The following ZNF268 variants were observed in gnomAD, a reference collection of about 807,000 sequenced individuals.
ZNF268 encodes zinc finger protein 268.
A neutral mutation model predicts 29.3 loss-of-function variants in ZNF268; 20 were observed. The ratio of observed to expected loss-of-function variants is 0.68; its 90% CI spans 0.48 to 0.99. The LOEUF is 0.99. Ranked by LOEUF, ZNF268 falls within the 50% of genes least tolerant of loss-of-function variation. The pLI, the probability that ZNF268 is intolerant of heterozygous loss-of-function variation, is 0.00. For synonymous variants in ZNF268, 429 were observed against 376.9 expected, an observed-to-expected ratio of 1.14 and a Z score of -1.60; for missense variants, 1,240 against 1,121.6, an observed-to-expected ratio of 1.11 and a Z score of -1.51.
chr12:133,203,406 C>T lies in ZNF268; in HGVS notation c.1720C>T (p.His574Tyr), dbSNP rs756823797. ...CAGTCGGAAATACCAGCTTATTTCA[C>T]ACCAGAGAACTCATGCAGGAGAGAA... ...AFSRKYQLIS[H>Y]QRTHAGEKPY... The change falls in exon 6 of 6, where the codon CAC (histidine) becomes TAC (tyrosine). Residue 574 changes from histidine (H) to tyrosine (Y), a missense_variant. His to Tyr is a moderately conservative substitution (Grantham distance 83, BLOSUM62 2). Around this residue, in one of 3 missense-constraint regions of ZNF268, gnomAD observed 1,177 missense variants for 1,039.6 expected, o/e 1.13. Coordinates refer to ENST00000536435, the MANE Select transcript of ZNF268 (RefSeq NM_003415.3). The T allele has an allele frequency of 3.8e-5, 59 of 1,545,266 alleles. No homozygotes were observed. The highest frequency in any genetic ancestry group is 5.1e-5 in the Non-Finnish European group (59 of 1,149,904).
At position 133,203,919 on chromosome 12, in the gene ZNF268, A is replaced by G; in HGVS notation, c.2233A>G (p.Ile745Val). The G allele has an allele frequency of 1.3e-6, 2 of 1,588,896 alleles. No homozygotes were observed. Among genetic ancestry groups the G allele is most frequent in the African/African-American group, 1.3e-5 (1 of 74,248 alleles). Residue 745 changes from isoleucine (I) to valine (V), a missense_variant, in exon 6 of 6, where the codon ATT (isoleucine) becomes GTT (valine). By Grantham distance (29) the Ile-to-Val change is conservative (BLOSUM62 3). Around this residue, in one of 3 missense-constraint regions of ZNF268, gnomAD observed 1,177 missense variants for 1,039.6 expected, o/e 1.13. Transcript: ENST00000536435. ...FNSQLIVHQRIHTGENPYECS... is the reference protein window; with the variant it reads ...FNSQLIVHQRVHTGENPYECS... ...TTCACAACTCATTGTGCATCAGAGA[A>G]TTCACACAGGAGAAAATCCCTATGA...
Position 133,204,174 on chromosome 12 carries a change from CATGCAGGGGTCAACCCTTATAA to C in ZNF268, c.2495_2516del (p.Gly832ValfsTer105). 6.5e-7 allele frequency: 1 copy of C among 1,541,444 alleles called. No homozygotes were observed. On this transcript the variant is annotated frameshift_variant, in exon 6 of 6. Transcript: ENST00000536435. LOFTEE classifies it low-confidence loss of function (END_TRUNC). Reference sequence around the variant, plus strand: ...ACTACTCATTGTACATGAGCGAACTCATGCAGGGGTCAACCCTTATAAATGCAGTCAATGTGAGAAATCCTTC... The same window carrying C: ...ACTACTCATTGTACATGAGCGAACTCATGCAGTCAATGTGAGAAATCCTTC...
At position 133,210,538 on chromosome 12, in the gene ZNF268, T is replaced by A. The variant is rs1956962631; in HGVS notation, c.*6008T>A. ...TCACTGTGGTTGTGCCCCACAGTGG[T>A]CCTCAGGTTGGCCAGTGGAGAAGGA... On this transcript the variant is annotated 3_prime_UTR_variant, in exon 6 of 6. Transcript: ENST00000536435. The A allele has an allele frequency of 3.6e-6, 1 of 281,648 alleles. No individual in the cohort carries two copies. The highest frequency in any genetic ancestry group is 2.2e-5 in the African/African-American group (1 of 45,768). The allele number at this position is 281,648 out of a possible 1,614,324, so 17.4% of individuals were successfully genotyped here.
intron 5 of ZNF268, among the ~76,000 whole-genome samples, chr12:133,201,884 C>A (rs183666617): frequency 8.5e-4 from 130 of 152,168 alleles, no homozygotes; most frequent in African/African-American, 3.0e-3. Context: ...TATCAGTTTA[C>A]TATGCCTATC....
chr12:133,195,472 A>G (rs529444099), intron 5 of ZNF268, among the ~76,000 whole-genome samples: 2 of 152,226 alleles, frequency 1.3e-5, no homozygotes, highest in Non-Finnish European at 2.9e-5. Context: ...TGGGAGGCCA[A>G]GGTGGGAGGA....
chr12:133,202,450 GA>G lies in ZNF268; in HGVS notation c.769del (p.Thr257ProfsTer36). The G allele has an allele frequency of 6.2e-7, 1 of 1,611,380 alleles. No homozygotes were observed. The highest frequency in any genetic ancestry group is 1.1e-5 in the South Asian group (1 of 90,804). ...AAATACTGTGAAAGTATTGAATCTG[GA>G]AAAACCGTCAATAAGAAATCGCAAC... ...GIKYCESIES[G>X]KTVNKKSQLM... is the part of the protein sequence containing the mutation. On this transcript the variant is annotated frameshift_variant, in exon 6 of 6. Transcript: ENST00000536435. LOFTEE classifies it low-confidence loss of function (END_TRUNC).
At chr12:133,198,392 A>G (rs1190945891) in intron 5 of ZNF268, among the ~76,000 whole-genome samples, 7 of 150,540 alleles carry the variant, frequency 4.6e-5, no homozygotes, top group African/African-American at 1.5e-4. Context: ...CCATTGATCT[A>G]TATCTCTGTT....
At chr12:133,183,500 A>T (rs1364123276) in intron 2 of ZNF268, among the ~76,000 whole-genome samples, 2 of 143,298 alleles carry the variant, frequency 1.4e-5, no homozygotes, top group Non-Finnish European at 3.1e-5. Context: ...ACTCTGTCTC[A>T]AAAAAAAAAA....
In ZNF268 at chr12:133,203,797, C is replaced by T; in HGVS notation, c.2111C>T (p.Ala704Val). ...TATGGATGCAGTGAGTGTGGGAAAG[C>T]CTTCAGGAGCAAGTCATACCTTATT... Reference protein sequence around the residue: ...KPYGCSECGKAFRSKSYLIIH... With the variant: ...KPYGCSECGKVFRSKSYLIIH... Residue 704 changes from alanine (A) to valine (V), a missense_variant, in exon 6 of 6, where the codon GCC (alanine) becomes GTC (valine). Physicochemically the swap from Ala to Val is moderately conservative, Grantham distance 64. Transcript: ENST00000536435. 1 of 1,564,132 alleles carries T rather than the reference C, an allele frequency of 6.4e-7. No individual in the cohort carries two copies. Among genetic ancestry groups the T allele is most frequent in the African/African-American group, 1.4e-5 (1 of 73,832 alleles).
intron 4 of ZNF268, 37 bp downstream of exon 4, chr12:133,191,652 C>A: frequency 1.2e-6 from 2 of 1,606,280 alleles, no homozygotes; most frequent in Non-Finnish European, 1.7e-6. Flanking sequence ...TGTGCTCGAT[C>A]TCCAGGCTTC....
rs1593920887 is a variant in ZNF268, at chr12:133,202,023, C to G, written c.458-121C>G. ...GATATGGCATTTCACAGGGAACTTT[C>G]TAGTATACCACAATCATGTGATTTA... On this transcript the variant is annotated intron_variant, in intron 5 of 5. Coordinates refer to ENST00000536435, the MANE Select transcript of ZNF268 (RefSeq NM_003415.3). 10 of 776,542 alleles carry G rather than the reference C, an allele frequency of 1.3e-5. No individual in the cohort carries two copies. The East Asian group carries it at 2.8e-4, about 22-fold the overall frequency. 48.1% of individuals were successfully genotyped at this position (776,542 alleles called of 1,614,324 possible). A position where few individuals can be genotyped will look rare whatever the true frequency, so the allele number is the denominator to read the frequency against.
rs1956939437 is a variant in ZNF268, at chr12:133,208,626, T to C, written c.*4096T>C. 6.6e-6 allele frequency: 1 copy of C among 151,874 alleles called. No homozygotes were observed. Among genetic ancestry groups the C allele is most frequent in the Non-Finnish European group, 1.5e-5 (1 of 67,970 alleles). The allele number at this position is 151,874 out of a possible 1,614,324, so 9.4% of individuals were successfully genotyped here. A position where few individuals can be genotyped will look rare whatever the true frequency, so the allele number is the denominator to read the frequency against. Reference sequence around the variant, plus strand: ...GCTATGATCATGCCCCTGCACTCCATCCTGGGCAACAAAGTGAGACCCTGT... The same window carrying C: ...GCTATGATCATGCCCCTGCACTCCACCCTGGGCAACAAAGTGAGACCCTGT... On this transcript the variant is annotated 3_prime_UTR_variant, in exon 6 of 6. Transcript: ENST00000536435.
At chr12:133,201,262 T>G (rs114596567) in intron 5 of ZNF268, among the ~76,000 whole-genome samples, 6 of 152,068 alleles carry the variant, frequency 3.9e-5, no homozygotes, top group Non-Finnish European at 7.4e-5. Context: ...CCTAGTGATA[T>G]TGACTGCTAA....
At chr12:133,186,429 C>G (rs12146704) in intron 2 of ZNF268, among the ~76,000 whole-genome samples, 2 of 150,092 alleles carry the variant, frequency 1.3e-5, no homozygotes, top group Admixed American at 1.3e-4. Context: ...GTTGCCCAGG[C>G]TGGAGTACAG....
Position 133,203,531 on chromosome 12 carries a change from TGA to T in ZNF268, c.1847_1848del (p.Glu616ValfsTer6). The T allele has an allele frequency of 6.5e-7, 1 of 1,549,168 alleles. No individual in the cohort carries two copies. Among genetic ancestry groups the T allele is most frequent in the Non-Finnish European group, 8.7e-7 (1 of 1,150,842 alleles). ...HTGEKPFECSECQKAFNTKSN... is the reference protein window; with the variant it reads ...HTGEKPFECSXCQKAFNTKSN... ...CAGGGGAGAAACCATTTGAATGTAGTGAGTGTCAGAAAGCCTTTAATACAAAG... is the reference window on the plus strand; with the variant it reads ...CAGGGGAGAAACCATTTGAATGTAGTGTGTCAGAAAGCCTTTAATACAAAG... On this transcript the variant is annotated frameshift_variant, in exon 6 of 6. Coordinates refer to ENST00000536435, the MANE Select transcript of ZNF268 (RefSeq NM_003415.3). LOFTEE classifies it low-confidence loss of function (END_TRUNC).
chr12:133,192,098 T>A, intron 5 of ZNF268, 95 bp downstream of exon 5: 1 of 987,566 alleles, frequency 1.0e-6, no homozygotes, highest in Non-Finnish European at 1.4e-6. Flanking sequence ...CCTCGTGTAT[T>A]ACCATGCACT....
chr12:133,186,241 G>A (rs1956311227), intron 2 of ZNF268, among the ~76,000 whole-genome samples: 1 of 152,112 alleles, frequency 6.6e-6, no homozygotes, highest in African/African-American at 2.4e-5. Context: ...TTTAGTCTCT[G>A]GATGTAGGTT....
At chr12:133,181,788 G>A in intron 1 of ZNF268, 102 bp downstream of exon 1, 1 of 597,524 alleles carries the variant, frequency 1.7e-6, no homozygotes, top group Non-Finnish European at 3.0e-6. Flanking sequence ...ACCCTAACCT[G>A]TGTGTTGGTG....
chr12:133,202,514 T>C lies in ZNF268; in HGVS notation c.828T>C (p.Phe276=). 6 of 1,612,334 alleles carry C rather than the reference T, an allele frequency of 3.7e-6. No homozygotes were observed. Among genetic ancestry groups the C allele is most frequent in the Non-Finnish European group, 5.1e-6 (6 of 1,179,154 alleles). ...CQQMYMGEKP[F]GCSCCEKAFS... ...AAATGTATATGGGCGAAAAACCCTT[T>C]GGATGCAGCTGTTGTGAGAAAGCCT... The change falls in exon 6 of 6, where the codon TTT becomes TTC. Residue 276 remains phenylalanine, a synonymous_variant. Coordinates refer to ENST00000536435, the MANE Select transcript of ZNF268 (RefSeq NM_003415.3).
Sources: gnomAD v4.1 joint callset for allele counts (sites outside exome capture counted in the v4.1 genomes callset) on GRCh38, gnomAD v4.1.1 for gene constraint, gnomAD v4.1.1 regional missense constraint, MANE v1.5 for transcripts, NCBI Gene and HGNC (gene_info 2026-07-23, HGNC 2026-07-21) for gene names.